Variants in SEMA5A observed in about 807,000 individuals in gnomAD.
SEMA5A encodes semaphorin 5A.
A neutral mutation model predicts 135.5 loss-of-function variants in SEMA5A; 55 were observed. The ratio of observed to expected loss-of-function variants is 0.41; its 90% CI spans 0.33 to 0.51. The LOEUF (loss-of-function observed/expected upper bound fraction) is 0.51. SEMA5A is among the 20% of genes least tolerant of loss of function. SEMA5A has a pLI of 0.37. For synonymous variants in SEMA5A, 580 were observed against 546.5 expected, an observed-to-expected ratio of 1.06 and a Z score of -0.85; for missense variants, 1,290 against 1,419.9, an observed-to-expected ratio of 0.91 and a Z score of 1.47.
chr5:9,269,000 C>T (rs1192420954), intron 5 of SEMA5A, among the ~76,000 whole-genome samples: 1 of 152,098 alleles, frequency 6.6e-6, no homozygotes, highest in Non-Finnish European at 1.5e-5. Context: ...CTTCTGGATG[C>T]TAAGGACAAA....
chr5:9,526,670 T>C (rs189399821), intron 1 of SEMA5A, among the ~76,000 whole-genome samples: 1 of 152,330 alleles, frequency 6.6e-6, no homozygotes, highest in African/African-American at 2.4e-5. Flanking sequence ...GCAGCTTGGC[T>C]TCAGCTGTAC....
intron 3 of SEMA5A, among the ~76,000 whole-genome samples, chr5:9,364,791 CTTG>C (rs1328974819): frequency 2.6e-5 from 4 of 152,304 alleles, no homozygotes; most frequent in South Asian, 2.1e-4. Flanking sequence ...TTCTCCCAAA[CTTG>C]TTGTGACTCA....
chr5:9,301,414 C>T (rs973336445), intron 5 of SEMA5A, among the ~76,000 whole-genome samples: 1 of 152,164 alleles, frequency 6.6e-6, no homozygotes, highest in African/African-American at 2.4e-5. Flanking sequence ...GGCTCTCTGG[C>T]AAGTGATAAA....
chr5:9,050,567 G>A (rs1736515763), intron 20 of SEMA5A, 110 bp from the exon 21 acceptor site: 17 of 910,796 alleles, frequency 1.9e-5, no homozygotes, highest in Non-Finnish European at 2.7e-5. Flanking sequence ...GTGACACAAA[G>A]TTTCAAAAGC....
intron 3 of SEMA5A, among the ~76,000 whole-genome samples, chr5:9,368,082 A>G (rs994320254): frequency 1.1e-4 from 16 of 152,216 alleles, no homozygotes; most frequent in Non-Finnish European, 2.1e-4. Flanking sequence ...CCTTTACAGT[A>G]ATGCAAAATG....
At chr5:9,132,841 T>G (rs1158576408) in intron 13 of SEMA5A, among the ~76,000 whole-genome samples, 1 of 152,228 alleles carries the variant, frequency 6.6e-6, no homozygotes, top group Non-Finnish European at 1.5e-5. Flanking sequence ...CACTTTTACA[T>G]GAGGTATAAA....
chr5:9,521,146 A>G (rs1237259356), intron 1 of SEMA5A, among the ~76,000 whole-genome samples: 1 of 152,240 alleles, frequency 6.6e-6, no homozygotes, highest in East Asian at 1.9e-4. Flanking sequence ...CTGGTGGCTC[A>G]CACCTGTAAT....
intron 4 of SEMA5A, among the ~76,000 whole-genome samples, chr5:9,318,999 G>C (rs930700443): frequency 6.6e-6 from 1 of 152,110 alleles, no homozygotes; most frequent in African/African-American, 2.4e-5. Flanking sequence ...GAGAGGCAGA[G>C]GTTGCCAGGC....
At chr5:9,540,127 G>A (rs185809456) in intron 1 of SEMA5A, among the ~76,000 whole-genome samples, 11 of 151,842 alleles carry the variant, frequency 7.2e-5, no homozygotes, top group Admixed American at 2.6e-4. Flanking sequence ...TTTTTGATTC[G>A]GTCACTTACC....
chr5:9,060,566 G>C (rs1413412251), intron 18 of SEMA5A, among the ~76,000 whole-genome samples: 2 of 152,052 alleles, frequency 1.3e-5, no homozygotes, highest in Admixed American at 1.3e-4. Context: ...CTTTTACTGG[G>C]GCTGTGGGAA....
chr5:9,222,817 C>A (rs1308539975), intron 8 of SEMA5A, among the ~76,000 whole-genome samples: 1 of 152,224 alleles, frequency 6.6e-6, no homozygotes, highest in African/African-American at 2.4e-5. Context: ...CCGATACTGA[C>A]CACCTGATCA....
At chr5:9,292,042 C>A (rs893078181) in intron 5 of SEMA5A, among the ~76,000 whole-genome samples, 3 of 152,068 alleles carry the variant, frequency 2.0e-5, no homozygotes, top group South Asian at 2.1e-4. Context: ...TGGCTGTCAC[C>A]CCTGCCTCAG....
rs192483332 is a variant in SEMA5A, at chr5:9,398,961, C to G, written c.-77-18938G>C. Among the ~76,000 whole-genome samples, 82 of 152,228 alleles carry G rather than the reference C, an allele frequency of 5.4e-4. 1 individual carries two copies. The East Asian group carries it at 7.5e-3, about 14-fold the overall frequency. ...CCTGATAATTTGCAAAAATATTGTACCATCATCATCAAAGAAAACGCCACA... is the reference window on the plus strand; with the variant it reads ...CCTGATAATTTGCAAAAATATTGTAGCATCATCATCAAAGAAAACGCCACA... On this transcript the variant is annotated intron_variant, in intron 2 of 22. Transcript: ENST00000382496.
chr5:9,445,163 A>G (rs1220196672), intron 1 of SEMA5A, among the ~76,000 whole-genome samples: 1 of 152,166 alleles, frequency 6.6e-6, no homozygotes, highest in Non-Finnish European at 1.5e-5. Context: ...CCAGTTTAGC[A>G]TGCTGGATGT....
At chr5:9,464,192 C>T (rs1759168894) in intron 1 of SEMA5A, among the ~76,000 whole-genome samples, 1 of 152,122 alleles carries the variant, frequency 6.6e-6, no homozygotes, top group African/African-American at 2.4e-5. Context: ...CAAAGTTGCC[C>T]CTGATTAAAA....
At chr5:9,222,002 C>G (rs1356833536) in intron 8 of SEMA5A, among the ~76,000 whole-genome samples, 1 of 152,116 alleles carries the variant, frequency 6.6e-6, no homozygotes, top group East Asian at 1.9e-4. Context: ...TACCACAGGA[C>G]GATTCTCACT....
rs1249143197 is a variant in SEMA5A, at chr5:9,037,899, T to C, written c.*4998A>G. On this transcript the variant is annotated 3_prime_UTR_variant, in exon 23 of 23. Coordinates refer to ENST00000382496, the MANE Select transcript of SEMA5A (RefSeq NM_003966.3). ...TGATCCCCTGTCCCCAAACATTTTA[T>C]CTTACATTGTGCATGGCATTCCCTT... 1 of 152,206 alleles carries C rather than the reference T, an allele frequency of 6.6e-6. No individual in the cohort carries two copies. The highest frequency in any genetic ancestry group is 2.4e-5 in the African/African-American group (1 of 41,454). The allele number at this position is 152,206 out of a possible 1,614,324, so 9.4% of individuals were successfully genotyped here. A position where few individuals can be genotyped will look rare whatever the true frequency, so the allele number is the denominator to read the frequency against.
At chr5:9,401,737 G>A (rs1756667728) in intron 2 of SEMA5A, among the ~76,000 whole-genome samples, 1 of 152,166 alleles carries the variant, frequency 6.6e-6, no homozygotes, top group Non-Finnish European at 1.5e-5. Flanking sequence ...CAATGTTTTT[G>A]TCCTATAGGA....
At chr5:9,283,303 G>A (rs1285416994) in intron 5 of SEMA5A, among the ~76,000 whole-genome samples, 1 of 152,154 alleles carries the variant, frequency 6.6e-6, no homozygotes, top group East Asian at 1.9e-4. Flanking sequence ...TTAGGCTTGT[G>A]AGAGTCTTCT....
Sources: allele counts gnomAD v4.1 joint callset (sites outside exome capture counted in the v4.1 genomes callset), GRCh38; gene constraint gnomAD v4.1.1; transcripts MANE v1.5; gene names NCBI Gene and HGNC (gene_info 2026-07-23, HGNC 2026-07-21).